The following NCAM2 variants were observed in gnomAD, a reference collection of about 807,000 sequenced individuals.
NCAM2 encodes neural cell adhesion molecule 2.
In NCAM2, 30 loss-of-function variants were observed where a neutral mutation model predicts 98.1. The observed-to-expected ratio is 0.31, with a 90% CI of 0.23 to 0.41. The LOEUF is 0.41. NCAM2 is among the 10% of genes least tolerant of loss of function. The pLI is 1.00. For missense variants in NCAM2, 867 were observed against 1,005.8 expected (o/e 0.86, Z 1.87); for synonymous variants, 368 against 342.4 (o/e 1.07, Z -0.83).
chr21:21,008,100 T>G (rs1232467467), intron 1 of NCAM2, among the ~76,000 whole-genome samples: 1 of 152,162 alleles, frequency 6.6e-6, no homozygotes, highest in East Asian at 1.9e-4. Context: ...ACAGATTATG[T>G]GAAGATTAAT....
At chr21:21,474,605 A>G (rs1984908344) in intron 14 of NCAM2, among the ~76,000 whole-genome samples, 1 of 151,844 alleles carries the variant, frequency 6.6e-6, no homozygotes, top group African/African-American at 2.4e-5. Context: ...AATTCCAAGT[A>G]TTTCCACAAA....
At chr21:21,402,909 C>T (rs1214630785) in intron 9 of NCAM2, among the ~76,000 whole-genome samples, 9 of 152,040 alleles carry the variant, frequency 5.9e-5, no homozygotes, top group Admixed American at 2.0e-4. Context: ...TACTAATTGA[C>T]ATTCCCACCA....
At chr21:21,262,575 T>G (rs189728033) in intron 1 of NCAM2, among the ~76,000 whole-genome samples, 95 of 140,254 alleles carry the variant, frequency 6.8e-4, no homozygotes, top group African/African-American at 2.5e-3. Context: ...GAATTTCCCT[T>G]AAGAACTGGT....
chr21:21,222,230 G>A (rs1468308004), intron 1 of NCAM2, among the ~76,000 whole-genome samples: 1 of 152,134 alleles, frequency 6.6e-6, no homozygotes, highest in African/African-American at 2.4e-5. Context: ...AGATGTACAA[G>A]AAGATAAATG....
At chr21:21,273,906 C>A (rs1033469163) in intron 1 of NCAM2, among the ~76,000 whole-genome samples, 2 of 152,140 alleles carry the variant, frequency 1.3e-5, no homozygotes, top group Admixed American at 1.3e-4. Flanking sequence ...TGGCTCATGC[C>A]TGTAATCCCA....
At chr21:21,410,874 G>T (rs1246092104) in intron 10 of NCAM2, among the ~76,000 whole-genome samples, 1 of 149,412 alleles carries the variant, frequency 6.7e-6, no homozygotes, top group Non-Finnish European at 1.5e-5. Context: ...GGGTGTGGTG[G>T]TGTGTGCCTA....
intron 1 of NCAM2, among the ~76,000 whole-genome samples, chr21:21,079,395 G>T (rs1009365693): frequency 3.9e-5 from 6 of 152,022 alleles, no homozygotes; most frequent in Non-Finnish European, 7.4e-5. Flanking sequence ...TGTCAAAGAT[G>T]AAAACACATT....
At chr21:21,421,510 A>T (rs1440049714) in intron 11 of NCAM2, among the ~76,000 whole-genome samples, 1 of 152,134 alleles carries the variant, frequency 6.6e-6, no homozygotes, top group Non-Finnish European at 1.5e-5. Context: ...AATGATTCAG[A>T]CAGTCAGCCT....
chr21:21,183,884 C>G (rs1319205687), intron 1 of NCAM2, among the ~76,000 whole-genome samples: 1 of 151,868 alleles, frequency 6.6e-6, no homozygotes, highest in East Asian at 1.9e-4. Flanking sequence ...AAAAACCGAC[C>G]AACTTCATGA....
intron 9 of NCAM2, among the ~76,000 whole-genome samples, chr21:21,385,371 A>AACACACAC (rs543136137): frequency 0.064 from 7,092 of 110,112 alleles, 216 homozygotes; most frequent in South Asian, 0.12. Context: ...CACAATGTTA[A>AACACACAC]ACACACACAC....
intron 1 of NCAM2, among the ~76,000 whole-genome samples, chr21:21,228,384 T>A (rs2070475879): frequency 6.6e-6 from 1 of 151,534 alleles, no homozygotes; most frequent in Non-Finnish European, 1.5e-5. Context: ...CAGAAACTCT[T>A]GAATATATAA....
At chr21:21,496,372 T>A (rs898370292) in intron 15 of NCAM2, among the ~76,000 whole-genome samples, 3 of 152,248 alleles carry the variant, frequency 2.0e-5, no homozygotes, top group African/African-American at 7.2e-5. Context: ...TTAATGATGC[T>A]AAGCATTTTT....
chr21:21,242,838 T>C (rs2071119454), intron 1 of NCAM2, among the ~76,000 whole-genome samples: 1 of 152,188 alleles, frequency 6.6e-6, no homozygotes, highest in Non-Finnish European at 1.5e-5. Context: ...TTATTTGTTC[T>C]TAACATTTAA....
intron 1 of NCAM2, among the ~76,000 whole-genome samples, chr21:21,134,177 T>TC (rs970486645): frequency 2.0e-5 from 3 of 151,910 alleles, no homozygotes; most frequent in African/African-American, 7.3e-5. Context: ...CAGGAGATTC[T>TC]CCTGCGTCAG....
intron 1 of NCAM2, among the ~76,000 whole-genome samples, chr21:21,050,524 C>T (rs1051739645): frequency 2.0e-5 from 3 of 152,156 alleles, no homozygotes; most frequent in African/African-American, 7.2e-5. Flanking sequence ...GATGCCAACC[C>T]TACTTAGCCT....
chr21:21,137,678 A>G (rs1293806809), intron 1 of NCAM2, among the ~76,000 whole-genome samples: 1 of 152,166 alleles, frequency 6.6e-6, no homozygotes, highest in Non-Finnish European at 1.5e-5. Context: ...GAATCGCTTG[A>G]ACCGAGGAGG....
chr21:21,370,828 A>G (rs1004039799), intron 8 of NCAM2, among the ~76,000 whole-genome samples: 1 of 151,936 alleles, frequency 6.6e-6, no homozygotes, highest in African/African-American at 2.4e-5. Context: ...TAAATACACT[A>G]GTAAATGTAA....
At chr21:21,381,248 C>A (rs1456810598) in intron 9 of NCAM2, among the ~76,000 whole-genome samples, 5 of 152,156 alleles carry the variant, frequency 3.3e-5, no homozygotes, top group African/African-American at 4.8e-5. Flanking sequence ...ATCCTCATCT[C>A]TGAGTCACAT....
intron 1 of NCAM2, among the ~76,000 whole-genome samples, chr21:21,107,861 GAGA>G (rs2066380562): frequency 1.3e-5 from 2 of 152,016 alleles, no homozygotes; most frequent in Non-Finnish European, 2.9e-5. Context: ...TATCTAGTGG[GAGA>G]AGAATTATAT....
Sources: allele counts gnomAD v4.1 joint callset (sites outside exome capture counted in the v4.1 genomes callset), GRCh38; gene constraint gnomAD v4.1.1; transcripts MANE v1.5; gene names NCBI Gene and HGNC (gene_info 2026-07-23, HGNC 2026-07-21).